CNIH4: variants seen among roughly 807,000 people sequenced by gnomAD.
The protein encoded by CNIH4 is protein cornichon homolog 4.
Under a neutral mutation model 21.5 loss-of-function variants are expected in CNIH4, and 9 were observed. That is an observed-to-expected ratio of 0.42 (90% CI 0.25 to 0.73). CNIH4 has a LOEUF of 0.73. Ranked by LOEUF, CNIH4 falls within the 30% of genes least tolerant of loss-of-function variation. CNIH4 has a pLI of 0.27. For synonymous variants in CNIH4, 67 were observed against 59.1 expected (o/e 1.13, Z -0.61); for missense variants, 159 against 170.0 (o/e 0.94, Z 0.36).
upstream of CNIH4, chr1:224,356,862 CA>C (rs1413701200): frequency 3.5e-6 from 5 of 1,415,882 alleles, no homozygotes; most frequent in African/African-American, 7.1e-5. Context: ...AAGGGCCTAT[CA>C]GGGGTGGGTC....
chr1:224,360,422 G>A, intron 1 of CNIH4, 73 bp from the exon 2 acceptor site: 1 of 737,558 alleles, frequency 1.4e-6, no homozygotes, highest in Non-Finnish European at 2.1e-6. Flanking sequence ...CCTTGTAACT[G>A]GGATTGCTTT....
rs750040168 is a variant in CNIH4 at position 224,356,948 on chromosome 1, C to G, written c.24C>G (p.Phe8Leu). The change falls in exon 1 of 5, where the codon TTC (phenylalanine) becomes TTG (leucine). Residue 8 changes from phenylalanine to leucine, a missense_variant. Physicochemically the swap from Phe to Leu is conservative, Grantham distance 22. Coordinates refer to ENST00000465271, the MANE Select transcript of CNIH4 (RefSeq NM_014184.4). ...GGATGGAGGCGGTGGTGTTCGTCTT[C>G]TCTCTCCTCGATTGTTGCGCGCTCA... The part of the protein sequence containing the change: MEAVVFV[F>L]SLLDCCALIF... 1.9e-6 allele frequency: 3 copies of G among 1,612,118 alleles called. No individual in the cohort carries two copies. The highest frequency in any genetic ancestry group is 2.5e-6 in the Non-Finnish European group (3 of 1,179,178).
chr1:224,371,157 A>T, intron 3 of CNIH4, 126 bp from the exon 4 acceptor site: 1 of 961,806 alleles, frequency 1.0e-6, no homozygotes, highest in South Asian at 1.7e-5. Flanking sequence ...GATTACCGGC[A>T]TGAGCCACAG....
At chr1:224,367,729 A>AT (rs1007588954) in intron 3 of CNIH4, among the ~76,000 whole-genome samples, 5 of 152,190 alleles carry the variant, frequency 3.3e-5, no homozygotes, top group African/African-American at 1.2e-4. Flanking sequence ...CTCTCCCATG[A>AT]TCAGTTCCAT....
At chr1:224,372,317 T>C (rs1028442721) in intron 4 of CNIH4, among the ~76,000 whole-genome samples, 2 of 152,194 alleles carry the variant, frequency 1.3e-5, no homozygotes, top group Non-Finnish European at 2.9e-5. Context: ...TTATCCATCA[T>C]AGATGCATAG....
At position 224,375,928 on chromosome 1, in the gene CNIH4, T is replaced by G; in HGVS notation, c.*106T>G. On this transcript the variant is annotated 3_prime_UTR_variant, in exon 5 of 5. Transcript: ENST00000465271. ...AACCGTGACCATAGCAGTATATATT[T>G]TCCTCTTGGAACAAAAAACTATTTT... 3 of 1,436,094 alleles carry G rather than the reference T, an allele frequency of 2.1e-6. No homozygotes were observed. The highest frequency in any genetic ancestry group is 1.8e-6 in the Non-Finnish European group (2 of 1,086,162). 89.0% of individuals were successfully genotyped at this position (1,436,094 alleles called of 1,614,324 possible).
intron 1 of CNIH4, among the ~76,000 whole-genome samples, chr1:224,358,327 A>C (rs971416464): frequency 6.6e-6 from 1 of 152,192 alleles, no homozygotes; most frequent in South Asian, 2.1e-4. Flanking sequence ...ACCCTCCCCA[A>C]TTGAGCAGCA....
At chr1:224,375,290 A>G (rs1223435971) in intron 4 of CNIH4, among the ~76,000 whole-genome samples, 1 of 152,194 alleles carries the variant, frequency 6.6e-6, no homozygotes, top group Non-Finnish European at 1.5e-5. Flanking sequence ...AGAGCTGTGG[A>G]AGGAGGCTGT....
chr1:224,368,324 C>T (rs1398747769), intron 3 of CNIH4, among the ~76,000 whole-genome samples: 1 of 152,098 alleles, frequency 6.6e-6, no homozygotes, highest in East Asian at 1.9e-4. Flanking sequence ...GAGCGAGACC[C>T]AGCCTCAAAA....
chr1:224,368,370 A>G (rs1366922367), intron 3 of CNIH4, among the ~76,000 whole-genome samples: 2 of 152,198 alleles, frequency 1.3e-5, no homozygotes, highest in Non-Finnish European at 2.9e-5. Context: ...TTTTTTAAAT[A>G]TAATTATAAA....
intron 2 of CNIH4, among the ~76,000 whole-genome samples, chr1:224,362,043 G>A (rs1672302396): frequency 6.6e-6 from 1 of 151,004 alleles, no homozygotes; most frequent in Non-Finnish European, 1.5e-5. Flanking sequence ...CCCCTTGGTG[G>A]TCTTCTGACT....
Position 224,376,156 on chromosome 1 carries a change from A to G in CNIH4, c.*334A>G. On this transcript the variant is annotated 3_prime_UTR_variant, in exon 5 of 5. Transcript: ENST00000465271. ...AATAAAGAACACACTTTAAAGGGCA[A>G]ACTGAAGAGATGAGCGAGCAAAGGT... The G allele has an allele frequency of 1.9e-6, 2 of 1,043,680 alleles. No individual in the cohort carries two copies. Among genetic ancestry groups the G allele is most frequent in the East Asian group, 7.4e-5 (1 of 13,532 alleles). The allele number at this position is 1,043,680 out of a possible 1,614,324, so 64.7% of individuals were successfully genotyped here. A position where few individuals can be genotyped will look rare whatever the true frequency, so the allele number is the denominator to read the frequency against.
chr1:224,362,729 G>A (rs1437785496), intron 2 of CNIH4, among the ~76,000 whole-genome samples: 5 of 151,966 alleles, frequency 3.3e-5, no homozygotes, highest in African/African-American at 7.2e-5. Context: ...TCCTGACCTC[G>A]TAATCTGCCC....
intron 4 of CNIH4, among the ~76,000 whole-genome samples, chr1:224,374,757 A>C (rs1672733815): frequency 6.6e-6 from 1 of 152,202 alleles, no homozygotes; most frequent in African/African-American, 2.4e-5. Flanking sequence ...AATGATATTA[A>C]TAGTACCTAC....
In CNIH4 at chr1:224,376,441, G is replaced by A; in HGVS notation, c.*619G>A. 1 of 985,278 alleles carries A rather than the reference G, an allele frequency of 1.0e-6. No homozygotes were observed. The highest frequency in any genetic ancestry group is 1.2e-6 in the Non-Finnish European group (1 of 829,924). The allele number at this position is 985,278 out of a possible 1,614,324, so 61.0% of individuals were successfully genotyped here. A position where few individuals can be genotyped will look rare whatever the true frequency, so the allele number is the denominator to read the frequency against. The stretch of plus-strand genomic sequence containing the variant: ...ACAATGTAGTTCCTGCTGATAGAAA[G>A]GAAATATTTTGTCAAGAGCTTTCAT... On this transcript the variant is annotated 3_prime_UTR_variant, in exon 5 of 5. Coordinates refer to ENST00000465271, the MANE Select transcript of CNIH4 (RefSeq NM_014184.4).
chr1:224,366,802 TA>T (rs11449111), intron 3 of CNIH4, among the ~76,000 whole-genome samples: 81 of 147,006 alleles, frequency 5.5e-4, no homozygotes, highest in Non-Finnish European at 9.6e-4. Context: ...CTACTAAAAA[TA>T]AAAAAAAAAA....
chr1:224,375,329 T>TC (rs1286070872), intron 4 of CNIH4, among the ~76,000 whole-genome samples: 2 of 152,088 alleles, frequency 1.3e-5, no homozygotes, highest in Admixed American at 6.6e-5. Context: ...GAGGCCAGCT[T>TC]CCCCAACGAG....
intron 3 of CNIH4, among the ~76,000 whole-genome samples, chr1:224,366,940 C>T (rs1172821999): frequency 2.7e-5 from 4 of 147,126 alleles, no homozygotes; most frequent in South Asian, 2.1e-4. Context: ...CCAGCCTGGG[C>T]GACAGAGCGA....
chr1:224,373,803 G>A lies in CNIH4; in HGVS notation c.393-1992G>A, dbSNP rs575477788. On this transcript the variant is annotated intron_variant, in intron 4 of 4. Coordinates refer to ENST00000465271, the MANE Select transcript of CNIH4 (RefSeq NM_014184.4). ...ATATCATGCCACTGCACTGCAGCCTGGGTGACAGAGTAAGGCTCCGTCTCA... is the reference window on the plus strand; with the variant it reads ...ATATCATGCCACTGCACTGCAGCCTAGGTGACAGAGTAAGGCTCCGTCTCA... Among the ~76,000 whole-genome samples the A allele has an allele frequency of 1.9e-4, 29 of 151,774 alleles. 1 individual carries two copies. In the East Asian group the frequency reaches 5.6e-3, roughly 29 times the overall value.
Sources: allele counts gnomAD v4.1 joint callset (sites outside exome capture counted in the v4.1 genomes callset), GRCh38; gene constraint gnomAD v4.1.1; transcripts MANE v1.5; gene names NCBI Gene and HGNC (gene_info 2026-07-23, HGNC 2026-07-21).